QTMAN: variants seen among roughly 807,000 people sequenced by gnomAD.
The protein encoded by QTMAN is tRNA-queuosine alpha-mannosyltransferase.
At chr2:143,994,992 A>AT in the QTMAN span, among the ~76,000 whole-genome samples, 1 of 152,186 alleles carries the variant, frequency 6.6e-6, no homozygotes, top group South Asian at 2.1e-4. Flanking sequence ...CTTTAAAACT[A>AT]TATCACTCCT....
At chr2:144,122,809 ATTTAT>A in the QTMAN span, among the ~76,000 whole-genome samples, 2 of 152,166 alleles carry the variant, frequency 1.3e-5, no homozygotes, top group Non-Finnish European at 2.9e-5. Context: ...GGAAATTCAG[ATTTAT>A]TTTGTCTAGG....
the QTMAN span, among the ~76,000 whole-genome samples, chr2:143,983,934 A>G: frequency 2.0e-5 from 3 of 152,328 alleles, no homozygotes; most frequent in East Asian, 5.8e-4. Context: ...AAAAACATAC[A>G]TATGTCCATA....
At chr2:144,291,586 A>G in the QTMAN span, among the ~76,000 whole-genome samples, 11 of 152,210 alleles carry the variant, frequency 7.2e-5, no homozygotes, top group African/African-American at 2.4e-4. Context: ...CTTTAACATT[A>G]TATCACTTAA....
the QTMAN span, among the ~76,000 whole-genome samples, chr2:144,036,410 T>G: frequency 1.2e-4 from 19 of 152,330 alleles, no homozygotes; most frequent in African/African-American, 4.3e-4. Context: ...TTTTGGTTAC[T>G]GAAGCTTTTG....
chr2:144,202,829 G>A, the QTMAN span, among the ~76,000 whole-genome samples: 5 of 152,216 alleles, frequency 3.3e-5, no homozygotes, highest in South Asian at 4.1e-4. Flanking sequence ...AGAACCTTAC[G>A]TGTAATATTT....
At chr2:144,168,325 C>T in the QTMAN span, among the ~76,000 whole-genome samples, 1 of 152,192 alleles carries the variant, frequency 6.6e-6, no homozygotes, top group African/African-American at 2.4e-5. Flanking sequence ...TATAAAACAA[C>T]ACCATCTTTG....
chr2:143,962,582 T>C, the QTMAN span, among the ~76,000 whole-genome samples: 18 of 152,130 alleles, frequency 1.2e-4, no homozygotes, highest in African/African-American at 4.1e-4. Context: ...GAACTCAGTG[T>C]CAAGGTATCC....
the QTMAN span, among the ~76,000 whole-genome samples, chr2:144,330,545 A>G: frequency 1.3e-5 from 2 of 152,264 alleles, no homozygotes; most frequent in Non-Finnish European, 2.9e-5. Context: ...GAAGCGCAAG[A>G]TAATTGCTAA....
chr2:144,277,447 T>C, the QTMAN span, among the ~76,000 whole-genome samples: 1 of 152,178 alleles, frequency 6.6e-6, no homozygotes, highest in South Asian at 2.1e-4. Flanking sequence ...AACAAGAATA[T>C]ATACTTTTCT....
At chr2:144,231,517 C>T in the QTMAN span, among the ~76,000 whole-genome samples, 1 of 151,968 alleles carries the variant, frequency 6.6e-6, no homozygotes, top group Non-Finnish European at 1.5e-5. Flanking sequence ...AAGATAATAG[C>T]TTTGCTATGT....
chr2:144,140,583 C>T, the QTMAN span, among the ~76,000 whole-genome samples: 14 of 152,106 alleles, frequency 9.2e-5, no homozygotes, highest in Admixed American at 4.6e-4. Flanking sequence ...AGATAATATA[C>T]GTAATTACAT....
the QTMAN span, among the ~76,000 whole-genome samples, chr2:144,173,264 G>A: frequency 6.6e-6 from 1 of 152,124 alleles, no homozygotes; most frequent in Non-Finnish European, 1.5e-5. Context: ...CATGCCCTGT[G>A]TAATCCCTCC....
the QTMAN span, among the ~76,000 whole-genome samples, chr2:144,295,097 G>GT: frequency 4.7e-4 from 72 of 152,270 alleles, no homozygotes; most frequent in African/African-American, 1.6e-3. Context: ...AAAGAATGAA[G>GT]TTTTTACTTA....
the QTMAN span, among the ~76,000 whole-genome samples, chr2:143,986,005 T>C: frequency 6.6e-6 from 1 of 152,206 alleles, no homozygotes; most frequent in African/African-American, 2.4e-5. Context: ...CCAGTAAGTA[T>C]TAAATGCCTC....
chr2:144,206,561 A>ATTAG, the QTMAN span, among the ~76,000 whole-genome samples: 1 of 152,192 alleles, frequency 6.6e-6, no homozygotes, highest in Non-Finnish European at 1.5e-5. Context: ...GACTGATTAG[A>ATTAG]TTAGTATAGT....
the QTMAN span, among the ~76,000 whole-genome samples, chr2:144,315,611 C>T: frequency 6.6e-6 from 1 of 152,186 alleles, no homozygotes; most frequent in African/African-American, 2.4e-5. Flanking sequence ...AATCACTTTT[C>T]TGCTCTCTCT....
the QTMAN span, among the ~76,000 whole-genome samples, chr2:144,291,452 C>G: frequency 6.6e-6 from 1 of 152,228 alleles, no homozygotes; most frequent in Non-Finnish European, 1.5e-5. Context: ...CTTCCATACT[C>G]AGTTCACAGT....
At chr2:144,142,920 A>T in the QTMAN span, among the ~76,000 whole-genome samples, 1 of 152,016 alleles carries the variant, frequency 6.6e-6, no homozygotes, top group Non-Finnish European at 1.5e-5. Context: ...TTCAATTGAA[A>T]CCATACTTCG....
the QTMAN span, among the ~76,000 whole-genome samples, chr2:144,100,939 A>G: frequency 1.5e-5 from 2 of 130,130 alleles, no homozygotes; most frequent in Non-Finnish European, 1.5e-5. Context: ...GCACAATCTC[A>G]GCTCACTGCA....
Sources: allele counts gnomAD v4.1 joint callset (sites outside exome capture counted in the v4.1 genomes callset), GRCh38; gene constraint gnomAD v4.1.1; transcripts MANE v1.5; gene names NCBI Gene and HGNC (gene_info 2026-07-23, HGNC 2026-07-21).